Variants in PRKDC observed in about 807,000 individuals in gnomAD.
PRKDC encodes the protein DNA-dependent protein kinase catalytic subunit.
Under a neutral mutation model 486.9 loss-of-function variants are expected in PRKDC, and 82 were observed. The ratio of observed to expected loss-of-function variants is 0.17; its 90% CI spans 0.14 to 0.20. The LOEUF is 0.20. Among genes scored for constraint, PRKDC ranks in the 10% least tolerant of loss-of-function variants. The probability of loss-of-function intolerance (pLI) is 1.00; values close to 1 mark genes in which losing one functional copy is unlikely to be tolerated. For synonymous variants in PRKDC, 1,895 were observed against 1,837.0 expected (o/e 1.03, Z -0.81); for missense variants, 4,504 against 5,038.2 (o/e 0.89, Z 3.21).
chr8:47,837,476 G>A, intron 56 of PRKDC, 57 bp from the exon 57 acceptor site: 2 of 1,378,578 alleles, frequency 1.5e-6, no homozygotes, highest in South Asian at 2.5e-5. Flanking sequence ...GGGAAAGAAT[G>A]TGCTGTACAG....
intron 7 of PRKDC, among the ~76,000 whole-genome samples, chr8:47,945,010 G>C (rs2090507722): frequency 1.3e-5 from 2 of 152,218 alleles, no homozygotes; most frequent in African/African-American, 4.8e-5. Flanking sequence ...GGTAGCATTT[G>C]TTCTAAGACT....
chr8:47,942,602 T>A (rs1239382567), intron 10 of PRKDC, among the ~76,000 whole-genome samples: 2 of 152,168 alleles, frequency 1.3e-5, no homozygotes, highest in Non-Finnish European at 2.9e-5. Context: ...AAACATTTGT[T>A]GTGAATCTCC....
At chr8:47,894,899 A>C (rs1378587433) in intron 30 of PRKDC, among the ~76,000 whole-genome samples, 1 of 151,962 alleles carries the variant, frequency 6.6e-6, no homozygotes, top group Non-Finnish European at 1.5e-5. Context: ...TAATACCAAG[A>C]CCCTATCTCT....
chr8:47,828,072 T>A, intron 62 of PRKDC, 96 bp downstream of exon 62: 1 of 1,206,214 alleles, frequency 8.3e-7, no homozygotes, highest in Non-Finnish European at 1.2e-6. Flanking sequence ...CACCAGGTTA[T>A]CAAGAGTCTC....
intron 68 of PRKDC, among the ~76,000 whole-genome samples, chr8:47,814,230 A>T (rs2087394201): frequency 6.6e-6 from 1 of 152,258 alleles, no homozygotes; most frequent in African/African-American, 2.4e-5. Context: ...AATTTCCTCA[A>T]TCTGATAAAA....
chr8:47,817,904 T>C (rs1297173895), intron 67 of PRKDC, among the ~76,000 whole-genome samples: 3 of 152,152 alleles, frequency 2.0e-5, no homozygotes, highest in African/African-American at 7.2e-5. Flanking sequence ...GCAAAAAAAA[T>C]CTGATCTTCA....
At chr8:47,930,333 C>T (rs896853006) in intron 17 of PRKDC, among the ~76,000 whole-genome samples, 14 of 152,160 alleles carry the variant, frequency 9.2e-5, no homozygotes, top group Non-Finnish European at 1.5e-4. Flanking sequence ...AGTGCAGTGG[C>T]GCAGTCTCGG....
Position 47,777,646 on chromosome 8 carries a change from C to T in PRKDC, c.12042+40G>A, listed in dbSNP as rs757182590. ...AGATACCAGCTTGATCACGGGGACA[C>T]TGTCACAAAAGTGAAAAGTGCACAT... On this transcript the variant is annotated intron_variant, in intron 84 of 85. Coordinates refer to ENST00000314191, the MANE Select transcript of PRKDC (RefSeq NM_006904.7). 2.0e-6 allele frequency: 3 copies of T among 1,527,068 alleles called. No individual in the cohort carries two copies. The South Asian group carries it at 3.9e-5, about 20-fold the overall frequency. The allele number at this position is 1,527,068 out of a possible 1,614,324, so 94.6% of individuals were successfully genotyped here. A position where few individuals can be genotyped will look rare whatever the true frequency, so the allele number is the denominator to read the frequency against.
intron 32 of PRKDC, among the ~76,000 whole-genome samples, chr8:47,889,854 C>T (rs1040769305): frequency 6.6e-6 from 1 of 152,028 alleles, no homozygotes; most frequent in Non-Finnish European, 1.5e-5. Flanking sequence ...TTGCAAATTG[C>T]TAAGAAAATA....
chr8:47,887,047 G>C (rs1460776020), intron 35 of PRKDC, among the ~76,000 whole-genome samples: 2 of 152,170 alleles, frequency 1.3e-5, no homozygotes, highest in African/African-American at 2.4e-5. Flanking sequence ...AGGGGTTTCT[G>C]CTACAGAAGA....
intron 7 of PRKDC, among the ~76,000 whole-genome samples, chr8:47,950,719 CATGCCTATAATCCCA>C (rs1288312281): frequency 6.6e-6 from 1 of 151,688 alleles, no homozygotes; most frequent in Admixed American, 6.6e-5. Context: ...CGTGGCAGGT[CATGCCTATAATCCCA>C]ATGCTTTGGA....
chr8:47,840,259 C>T (rs2088110602), intron 54 of PRKDC, 70 bp from the exon 55 acceptor site: 1 of 1,280,390 alleles, frequency 7.8e-7, no homozygotes, highest in Non-Finnish European at 1.1e-6. Context: ...GTATGACAGG[C>T]AACTTTTTCT....
chr8:47,812,334 A>G (rs1563747155), intron 68 of PRKDC, among the ~76,000 whole-genome samples: 1 of 152,162 alleles, frequency 6.6e-6, no homozygotes, highest in East Asian at 1.9e-4. Flanking sequence ...ATATACAAAA[A>G]TTTTCAAGTT....
At chr8:47,830,172 A>T (rs1240610463) in intron 61 of PRKDC, among the ~76,000 whole-genome samples, 1 of 152,228 alleles carries the variant, frequency 6.6e-6, no homozygotes, top group Non-Finnish European at 1.5e-5. Flanking sequence ...TAAAGAGATA[A>T]GTCACTGGCA....
At position 47,934,104 on chromosome 8, in the gene PRKDC, C is replaced by T; in HGVS notation, c.1498-14G>A. 6.2e-7 allele frequency: 1 copy of T among 1,609,336 alleles called. No individual in the cohort carries two copies. The highest frequency in any genetic ancestry group is 8.5e-7 in the Non-Finnish European group (1 of 1,177,644). ...AGACTCAGGGCCCTGGCCAGAAAGA[C>T]AGCATGACAATATGTAGTGATGGAT... is the stretch of plus-strand genomic sequence containing the variant. On this transcript the variant is annotated splice_polypyrimidine_tract_variant and intron_variant, in intron 14 of 85. Coordinates refer to ENST00000314191, the MANE Select transcript of PRKDC (RefSeq NM_006904.7).
At chr8:47,870,007 C>A (rs543540438) in intron 40 of PRKDC, among the ~76,000 whole-genome samples, 1 of 152,190 alleles carries the variant, frequency 6.6e-6, no homozygotes, top group South Asian at 2.1e-4. Context: ...GCTGCCAGCT[C>A]AACTGCAGTG....
chr8:47,865,439 G>A lies in PRKDC; in HGVS notation c.5364-676C>T, dbSNP rs1301862714. Among the ~76,000 whole-genome samples, 3 of 151,406 alleles carry A rather than the reference G, an allele frequency of 2.0e-5. No homozygotes were observed. The East Asian group carries it at 5.8e-4, about 29-fold the overall frequency. On this transcript the variant is annotated intron_variant, in intron 40 of 85. Transcript: ENST00000314191. ...TTAAAATTCTAGTTTCTCCCTACCAGTGAACCACCATTGCTATTTCCCAAA... is the reference window on the plus strand; with the variant it reads ...TTAAAATTCTAGTTTCTCCCTACCAATGAACCACCATTGCTATTTCCCAAA...
chr8:47,825,303 G>A (rs927989235), intron 63 of PRKDC, among the ~76,000 whole-genome samples: 4 of 152,008 alleles, frequency 2.6e-5, no homozygotes, highest in Non-Finnish European at 5.9e-5. Flanking sequence ...TGGGAGGCCG[G>A]GGCGGGCGGA....
chr8:47,815,819 A>G (rs952838810), intron 68 of PRKDC, among the ~76,000 whole-genome samples: 2 of 152,264 alleles, frequency 1.3e-5, no homozygotes, highest in African/African-American at 4.8e-5. Context: ...GAAGCAGGAC[A>G]TTTGTATGTC....
Sources: gnomAD v4.1 joint callset for allele counts (sites outside exome capture counted in the v4.1 genomes callset) on GRCh38, gnomAD v4.1.1 for gene constraint, MANE v1.5 for transcripts, NCBI Gene and HGNC (gene_info 2026-07-23, HGNC 2026-07-21) for gene names.